TAF5L: variants seen among roughly 807,000 people sequenced by gnomAD.
The protein encoded by TAF5L is TAF5-like RNA polymerase II p300/CBP-associated factor-associated factor 65 kDa subunit 5L.
In TAF5L, 7 loss-of-function variants were observed where a neutral mutation model predicts 51.3. The ratio of observed to expected loss-of-function variants is 0.14; its 90% CI spans 0.08 to 0.26. The LOEUF is 0.26. Among genes scored for constraint, TAF5L ranks in the 10% least tolerant of loss-of-function variants. The pLI is 1.00. For missense variants in TAF5L, 575 were observed against 758.9 expected, an observed-to-expected ratio of 0.76 and a Z score of 2.85; for synonymous variants, 291 against 308.1, an observed-to-expected ratio of 0.94 and a Z score of 0.58.
chr1:229,614,701 A>G (rs1486083772), intron 1 of TAF5L, among the ~76,000 whole-genome samples: 1 of 152,240 alleles, frequency 6.6e-6, no homozygotes, highest in African/African-American at 2.4e-5. Context: ...GCCAACTTCA[A>G]TTACAGAAAA....
intron 3 of TAF5L, among the ~76,000 whole-genome samples, chr1:229,603,556 T>C (rs1220147326): frequency 1.3e-5 from 2 of 152,232 alleles, no homozygotes; most frequent in African/African-American, 2.4e-5. Context: ...TGTGTTAACA[T>C]GACAGCCTTC....
intron 4 of TAF5L, among the ~76,000 whole-genome samples, chr1:229,597,740 A>G (rs1477973910): frequency 2.0e-5 from 3 of 152,234 alleles, no homozygotes; most frequent in Non-Finnish European, 2.9e-5. Flanking sequence ...TATTATATAC[A>G]TTATGAAACA....
chr1:229,607,095 A>C (rs1664623720), intron 3 of TAF5L: 1 of 985,410 alleles, frequency 1.0e-6, no homozygotes, highest in Non-Finnish European at 1.2e-6. Flanking sequence ...CTGTCATGAC[A>C]ATTTAACAAA....
exon 2 of TAF5L, chr1:229,614,465 G>A (rs769572846): frequency 1.3e-5 from 21 of 1,614,032 alleles, no homozygotes; most frequent in South Asian, 3.3e-5. Context: ...GAATCTGCTC[G>A]GTACGCACTC....
chr1:229,593,678 T>C (rs1283148425), exon 5 of TAF5L: 1 of 151,830 alleles, frequency 6.6e-6, no homozygotes, highest in Admixed American at 6.6e-5. Flanking sequence ...GTGCCAGGAG[T>C]CAAACCTGAA....
intron 3 of TAF5L, chr1:229,607,661 C>T (rs979178845): frequency 1.6e-5 from 3 of 189,980 alleles, no homozygotes; most frequent in African/African-American, 4.7e-5. Flanking sequence ...CAATTGATCT[C>T]ATGCTGGTCT....
At chr1:229,614,369 A>T in exon 2 of TAF5L, 1 of 1,614,250 alleles carries the variant, frequency 6.2e-7, no homozygotes, top group South Asian at 1.1e-5. Flanking sequence ...TCTCTTCAGC[A>T]GTCTGTGACA....
exon 5 of TAF5L, chr1:229,593,412 C>G (rs1663991968): frequency 6.6e-6 from 1 of 152,068 alleles, no homozygotes; most frequent in Non-Finnish European, 1.5e-5. Context: ...ACTTATTACT[C>G]CAAATTATTC....
intron 1 of TAF5L, among the ~76,000 whole-genome samples, chr1:229,622,021 CTATCTATCT>C (rs1248277019): frequency 8.6e-3 from 26 of 3,010 alleles, no homozygotes; most frequent in African/African-American, 0.014. Flanking sequence ...TCATCATCAT[CTATCTATCT>C]ATCTATCTAT....
chr1:229,595,159 G>A (rs1307504743), intron 4 of TAF5L, 65 bp from the exon 5 acceptor site: 1 of 1,491,830 alleles, frequency 6.7e-7, no homozygotes, highest in Non-Finnish European at 9.0e-7. Context: ...GTCTGACAAG[G>A]AAAACAAGTC....
At position 229,613,168 on chromosome 1, in the gene TAF5L, C is replaced by CA. The variant is rs10649912; in HGVS notation, c.142+1172dup. ...CCCCACCTCTAACAAGAATAACAAG[C>CA]AAAAAAAAAAAAAAATTAGCCAGGT... On this transcript the variant is annotated intron_variant, in intron 2 of 4. Transcript: ENST00000258281. Among the ~76,000 whole-genome samples the CA allele has an allele frequency of 8.9e-3, 1,205 of 135,892 alleles. 13 individuals are homozygous for CA. Among genetic ancestry groups the CA allele is most frequent in the African/African-American group, 0.016 (600 of 36,886 alleles). 89.2% of individuals were successfully genotyped at this position (135,892 alleles called of 152,430 possible).
Position 229,610,099 on chromosome 1 carries a change from T to C in TAF5L, c.247+7A>G, listed in dbSNP as rs766126434. ...AAAAAGAAAAGGTTCTAGAGCTGAG[T>C]ACTTACCAGTGAGAAAATTCCGCAG... On this transcript the variant is annotated splice_region_variant and intron_variant, in intron 3 of 4. Coordinates refer to ENST00000258281, the Ensembl canonical transcript of TAF5L. 3.7e-5 allele frequency: 60 copies of C among 1,613,376 alleles called. No homozygotes were observed. The highest frequency in any genetic ancestry group is 4.8e-5 in the Non-Finnish European group (57 of 1,179,342).
intron 2 of TAF5L, among the ~76,000 whole-genome samples, chr1:229,610,939 G>C (rs1240741097): frequency 6.6e-6 from 1 of 151,986 alleles, no homozygotes; most frequent in African/African-American, 2.4e-5. Flanking sequence ...AGGTATTTTT[G>C]AAGTTTTCTT....
Position 229,625,988 on chromosome 1 carries a change from G to C in TAF5L, c.-107C>G, listed in dbSNP as rs2102773189. 1 of 146,382 alleles carries C rather than the reference G, an allele frequency of 6.8e-6. No individual in the cohort carries two copies. Among genetic ancestry groups the C allele is most frequent in the Non-Finnish European group, 1.5e-5 (1 of 65,542 alleles). The allele number at this position is 146,382 out of a possible 1,614,324, so 9.1% of individuals were successfully genotyped here. On this transcript the variant is annotated 5_prime_UTR_variant, in exon 1 of 5. Coordinates refer to ENST00000258281, the Ensembl canonical transcript of TAF5L. This position sits in a 1 kb window ranked among gnomAD's most constrained non-coding sequence, Gnocchi z 4.0. ...CCGCAGGGTCTCACTCCGACGGCCG[G>C]CTCAGCTGGGCCCCCGCGCCCCGCG...
chr1:229,594,415 G>A lies in TAF5L; in HGVS notation c.1652C>T (p.Ser551Phe), dbSNP rs1395203609. ...GTACACGCCCACGAGCTCGCTGGAG[G>A]AGCCGTCGGCAGGTGCACTGCAGTA... Residue 551 changes from serine to phenylalanine, a missense_variant, in exon 5 of 5, where the codon TCC becomes TTC. By Grantham distance (155) the Ser-to-Phe change is radical. Transcript: ENST00000258281. This position sits in a 1 kb window ranked among gnomAD's most constrained non-coding sequence, Gnocchi z 7.9. 2 of 1,614,074 alleles carry A rather than the reference G, an allele frequency of 1.2e-6. No individual in the cohort carries two copies. The highest frequency in any genetic ancestry group is 1.3e-5 in the African/African-American group (1 of 74,928).
At chr1:229,624,949 C>G (rs527411622) in intron 1 of TAF5L, among the ~76,000 whole-genome samples, 2 of 152,176 alleles carry the variant, frequency 1.3e-5, no homozygotes, top group Non-Finnish European at 2.9e-5. Context: ...CCTCTCAGCA[C>G]AGCTCCCAAC....
At chr1:229,619,849 T>C (rs904089771) in intron 1 of TAF5L, among the ~76,000 whole-genome samples, 1 of 152,086 alleles carries the variant, frequency 6.6e-6, no homozygotes, top group Non-Finnish European at 1.5e-5. Context: ...TGCCCTCCCA[T>C]TACTGTCTGC....
chr1:229,597,214 T>C (rs1013285323), intron 4 of TAF5L, among the ~76,000 whole-genome samples: 1 of 152,208 alleles, frequency 6.6e-6, no homozygotes, highest in Non-Finnish European at 1.5e-5. Flanking sequence ...AAGTTAACTG[T>C]GAATTAAAGG....
intron 4 of TAF5L, chr1:229,601,743 T>C (rs1664382808): frequency 9.9e-7 from 1 of 1,010,382 alleles, no homozygotes. Flanking sequence ...CTTACTACTG[T>C]TGCTGAGACT....
Sources: gnomAD v4.1 joint callset for allele counts (sites outside exome capture counted in the v4.1 genomes callset) on GRCh38, gnomAD v4.1.1 for gene constraint, Gnocchi (gnomAD v3.1) non-coding constraint, MANE v1.5 for transcripts, NCBI Gene and HGNC (gene_info 2026-07-23, HGNC 2026-07-21) for gene names.